Variants in NEK5 observed in about 807,000 individuals in gnomAD.
NEK5 encodes the protein serine/threonine-protein kinase Nek5.
NEK5 carries 88 observed loss-of-function variants against 109.2 expected under a neutral mutation model. That is an observed-to-expected ratio of 0.81 (90% CI 0.68 to 0.96). NEK5 has a LOEUF of 0.96. Among genes scored for constraint, NEK5 ranks in the 40% least tolerant of loss-of-function variants. The pLI is 0.00. For missense variants in NEK5, 834 were observed against 920.7 expected, an observed-to-expected ratio of 0.91 and a Z score of 1.22; for synonymous variants, 283 against 299.9, an observed-to-expected ratio of 0.94 and a Z score of 0.58.
chr13:52,072,509 T>C (rs961089417), intron 19 of NEK5, among the ~76,000 whole-genome samples: 1 of 151,934 alleles, frequency 6.6e-6, no homozygotes, highest in South Asian at 2.1e-4. Context: ...TAAGAAAGAG[T>C]GGCAGTTAAA....
chr13:52,062,409 C>T (rs1422709284), intron 21 of NEK5, among the ~76,000 whole-genome samples: 1 of 151,764 alleles, frequency 6.6e-6, no homozygotes, highest in Non-Finnish European at 1.5e-5. Flanking sequence ...TGCTATGGCC[C>T]TCTTCTTTTT....
chr13:52,082,940 A>G (rs540807969), intron 17 of NEK5, among the ~76,000 whole-genome samples: 2 of 152,262 alleles, frequency 1.3e-5, no homozygotes, highest in East Asian at 3.9e-4. Context: ...CGAGGTCAAG[A>G]GATAAAGACC....
Position 52,093,162 on chromosome 13 carries a change from A to T in NEK5, c.1100T>A (p.Met367Lys). Residue 367 changes from methionine (M) to lysine (K), a missense_variant, in exon 13 of 24, where the codon ATG (methionine) becomes AAG (lysine). This residue lies in a region of NEK5 where 777 missense variants were observed against 824.7 expected (regional missense o/e 0.94). Coordinates refer to ENST00000684899, the MANE Select transcript of NEK5 (RefSeq NM_001365552.1). ...HYDYYYAQLD[M>K]LRRRAHKPSY... ...TGGTTTGTGGGCTCTCCTCCTCAGC[A>T]TATCAAGTTGAGCATAATAATAATC... 6.2e-7 allele frequency: 1 copy of T among 1,613,262 alleles called. No individual in the cohort carries two copies.
rs1286876242 is a variant in NEK5 at position 52,085,630 on chromosome 13, T to G, written c.1479+647A>C. Among the ~76,000 whole-genome samples the G allele has an allele frequency of 7.9e-5, 12 of 152,210 alleles. 1 individual carries two copies. The highest frequency in any genetic ancestry group is 3.3e-4 in the Admixed American group (5 of 15,276). On this transcript the variant is annotated intron_variant, in intron 16 of 23. Transcript: ENST00000684899. ...CTCCTAGGAGAGCATTCCAGGGCAC[T>G]GAGTGTGTTCCTAGTGTTTCAATAG... is the stretch of plus-strand genomic sequence containing the variant.
chr13:52,065,651 A>G (rs747112095), intron 20 of NEK5, 42 bp from the exon 21 acceptor site: 1 of 1,423,830 alleles, frequency 7.0e-7, no homozygotes, highest in Non-Finnish European at 9.9e-7. Context: ...AAGCAGTCAA[A>G]GTGTGACTAA....
intron 17 of NEK5, among the ~76,000 whole-genome samples, chr13:52,080,810 G>A (rs985632473): frequency 4.6e-4 from 70 of 150,832 alleles, no homozygotes; most frequent in Non-Finnish European, 6.0e-4. Context: ...TCACTTGTTT[G>A]TCTGCTGACC....
intron 14 of NEK5, among the ~76,000 whole-genome samples, chr13:52,088,883 G>GAGATCGAGACCAGC (rs368602513): frequency 2.0e-5 from 3 of 151,988 alleles, no homozygotes; most frequent in African/African-American, 7.2e-5. Context: ...CCGAGATCAG[G>GAGATCGAGACCAGC]AGTTCGAGAC....
chr13:52,121,843 T>G (rs778376465), intron 3 of NEK5, among the ~76,000 whole-genome samples: 44 of 152,172 alleles, frequency 2.9e-4, no homozygotes, highest in Non-Finnish European at 5.1e-4. Context: ...ACATATTAAA[T>G]GCTATTGAAT....
chr13:52,121,281 C>G (rs1279320314), intron 3 of NEK5, among the ~76,000 whole-genome samples: 1 of 151,798 alleles, frequency 6.6e-6, no homozygotes, highest in Admixed American at 6.6e-5. Flanking sequence ...ACCTCAGCCT[C>G]CTGAGTAGCT....
At chr13:52,103,058 T>C (rs1034697962) in intron 9 of NEK5, among the ~76,000 whole-genome samples, 2 of 152,232 alleles carry the variant, frequency 1.3e-5, no homozygotes, top group Admixed American at 1.3e-4. Context: ...AAATGCTTCA[T>C]AGACCAGAAA....
At chr13:52,108,745 A>G (rs1046429307) in intron 7 of NEK5, among the ~76,000 whole-genome samples, 15 of 152,248 alleles carry the variant, frequency 9.9e-5, no homozygotes, top group African/African-American at 3.6e-4. Flanking sequence ...ACAAAAATGA[A>G]TAAGGGAGAA....
At chr13:52,081,700 C>G (rs1277259866) in intron 17 of NEK5, among the ~76,000 whole-genome samples, 2 of 152,198 alleles carry the variant, frequency 1.3e-5, no homozygotes, top group Non-Finnish European at 2.9e-5. Flanking sequence ...AAAGTTACTC[C>G]TCTTGCATAA....
At chr13:52,074,456 C>G (rs1394631979) in intron 19 of NEK5, among the ~76,000 whole-genome samples, 1 of 152,124 alleles carries the variant, frequency 6.6e-6, no homozygotes, top group Admixed American at 6.6e-5. Flanking sequence ...TGGACCCCTA[C>G]CTTTCACTGT....
At chr13:52,083,064 T>C (rs1955046143) in intron 17 of NEK5, among the ~76,000 whole-genome samples, 196 bp downstream of exon 17, 1 of 152,050 alleles carries the variant, frequency 6.6e-6, no homozygotes, top group Non-Finnish European at 1.5e-5. Context: ...GGAAATCACT[T>C]GAACCCAGGA....
intron 21 of NEK5, among the ~76,000 whole-genome samples, chr13:52,064,308 G>C (rs543601957): frequency 4.5e-4 from 59 of 131,294 alleles, no homozygotes; most frequent in South Asian, 1.0e-3. Flanking sequence ...ACTGGGAAGT[G>C]AGGAGCCCCT....
Position 52,050,088 on chromosome 13 carries a change from C to T in NEK5, c.2228+16G>A. 1.1e-6 allele frequency: 1 copy of T among 935,900 alleles called. No homozygotes were observed. The highest frequency in any genetic ancestry group is 1.3e-6 in the Non-Finnish European group (1 of 784,482). The allele number at this position is 935,900 out of a possible 1,614,324, so 58.0% of individuals were successfully genotyped here. A position where few individuals can be genotyped will look rare whatever the true frequency, so the allele number is the denominator to read the frequency against. On this transcript the variant is annotated intron_variant, in intron 23 of 23. Transcript: ENST00000684899. ...TACCAGTGCTCGACTTAGGTATCGG[C>T]AAATGATCTACTTACGTATCATCAT...
chr13:52,059,694 T>C (rs1376088613), intron 22 of NEK5, among the ~76,000 whole-genome samples: 1 of 151,682 alleles, frequency 6.6e-6, no homozygotes, highest in East Asian at 1.9e-4. Flanking sequence ...CTCAGTAAAC[T>C]ATCGCAAGAA....
intron 20 of NEK5, among the ~76,000 whole-genome samples, chr13:52,067,244 A>C (rs1397336994): frequency 6.6e-6 from 1 of 152,236 alleles, no homozygotes; most frequent in African/African-American, 2.4e-5. Flanking sequence ...ACCATTAAAA[A>C]AAAAATCCTA....
rs199636624 is a variant in NEK5 at position 52,065,607 on chromosome 13, A to G, written c.1852T>C (p.Phe618Leu). Residue 618 changes from phenylalanine to leucine, a missense_variant and splice_region_variant, in exon 21 of 24, where the codon TTT becomes CTT. Physicochemically the swap from Phe to Leu is conservative, Grantham distance 22. Coordinates refer to ENST00000684899, the MANE Select transcript of NEK5 (RefSeq NM_001365552.1). ...ACAGCAGCTACAGTCTGCGTGGAAA[A>G]CCCTGGGTGTAAGAAAACAACTCAT... ...FEKLHCPEAG[F>L]STQTVAAVGN... is the part of the protein sequence containing the mutation. 2.4e-4 allele frequency: 393 copies of G among 1,611,160 alleles called. No homozygotes were observed. Among genetic ancestry groups the G allele is most frequent in the Non-Finnish European group, 3.0e-4 (357 of 1,177,568 alleles).
Sources: allele counts gnomAD v4.1 joint callset (sites outside exome capture counted in the v4.1 genomes callset), GRCh38; gene constraint gnomAD v4.1.1; regional missense constraint gnomAD v4.1.1; transcripts MANE v1.5; gene names NCBI Gene and HGNC (gene_info 2026-07-23, HGNC 2026-07-21).